DLG2: variants seen among roughly 807,000 people sequenced by gnomAD.
DLG2 encodes disks large homolog 2.
Under a neutral mutation model 132.5 loss-of-function variants are expected in DLG2, and 45 were observed. The observed-to-expected ratio is 0.34, with a 90% CI of 0.27 to 0.44. DLG2 has a LOEUF of 0.44. Ranked by LOEUF, DLG2 falls within the 20% of genes least tolerant of loss-of-function variation. The pLI is 1.00. For missense variants in DLG2, 1,045 were observed against 1,196.9 expected, an observed-to-expected ratio of 0.87 and a Z score of 1.87; for synonymous variants, 424 against 419.6, an observed-to-expected ratio of 1.01 and a Z score of -0.13.
At chr11:85,403,789 G>A (rs1436147178) in intron 3 of DLG2, among the ~76,000 whole-genome samples, 1 of 152,016 alleles carries the variant, frequency 6.6e-6, no homozygotes, top group Non-Finnish European at 1.5e-5. Flanking sequence ...GCTGCAGTGG[G>A]AAGAAGCAGT....
chr11:83,744,033 C>T (rs891345152), intron 18 of DLG2, among the ~76,000 whole-genome samples: 8 of 152,108 alleles, frequency 5.3e-5, no homozygotes, highest in East Asian at 1.9e-4. Context: ...TGGGTTTCCA[C>T]GGTTAGATGC....
At chr11:84,885,745 AACCAGCACC>A (rs1326752241) in intron 6 of DLG2, among the ~76,000 whole-genome samples, 1 of 152,094 alleles carries the variant, frequency 6.6e-6, no homozygotes, top group Non-Finnish European at 1.5e-5. Flanking sequence ...AAGCAATGAA[AACCAGCACC>A]ACCTTAACAT....
intron 19 of DLG2, among the ~76,000 whole-genome samples, chr11:83,587,375 T>A (rs1374691165): frequency 6.6e-6 from 1 of 151,990 alleles, no homozygotes; most frequent in Non-Finnish European, 1.5e-5. Flanking sequence ...GCTCAAGTGA[T>A]CCTCCCACCT....
chr11:84,020,044 G>A (rs182335369), intron 11 of DLG2, among the ~76,000 whole-genome samples: 1 of 152,206 alleles, frequency 6.6e-6, no homozygotes, highest in African/African-American at 2.4e-5. Context: ...TTGCCTGTGG[G>A]GGATGGCTAA....
chr11:83,865,721 T>C (rs1360824183), intron 16 of DLG2, among the ~76,000 whole-genome samples: 1 of 152,116 alleles, frequency 6.6e-6, no homozygotes, highest in Non-Finnish European at 1.5e-5. Flanking sequence ...GCAGAACTGG[T>C]CAGCCATGGG....
chr11:84,930,427 A>G lies in DLG2; in HGVS notation c.357+181234T>C, dbSNP rs537441020. The stretch of plus-strand genomic sequence containing the variant: ...GTGAGCAGCTGGAAAAAAATTAATG[A>G]AAAACCTCAAAAAGGCTCCAACACT... On this transcript the variant is annotated intron_variant, in intron 6 of 27. Transcript: ENST00000376104. 9.9e-5 allele frequency among the ~76,000 whole-genome samples: 15 copies of G among 152,212 alleles called. No individual in the cohort carries two copies. The East Asian group carries it at 2.7e-3, about 27-fold the overall frequency.
intron 10 of DLG2, among the ~76,000 whole-genome samples, chr11:84,092,572 A>C (rs1262852163): frequency 6.6e-6 from 1 of 152,184 alleles, no homozygotes; most frequent in Non-Finnish European, 1.5e-5. Flanking sequence ...CAGGAGAAAG[A>C]ACAACTAAGA....
chr11:85,114,933 T>A (rs1382697080), intron 5 of DLG2, among the ~76,000 whole-genome samples: 1 of 152,004 alleles, frequency 6.6e-6, no homozygotes, highest in African/African-American at 2.4e-5. Flanking sequence ...GAAAAAGTTG[T>A]GTGTGGCAGA....
chr11:84,815,533 A>C (rs1319154255), intron 6 of DLG2, among the ~76,000 whole-genome samples: 1 of 152,038 alleles, frequency 6.6e-6, no homozygotes, highest in Admixed American at 6.6e-5. Flanking sequence ...AATCAATATT[A>C]TTCATATGCT....
At chr11:85,062,572 T>C (rs766798838) in intron 6 of DLG2, among the ~76,000 whole-genome samples, 24 of 151,658 alleles carry the variant, frequency 1.6e-4, no homozygotes, top group Admixed American at 1.3e-3. Context: ...AAGATAAGTT[T>C]TTACCATAGG....
chr11:85,094,782 C>A (rs1169763586), intron 6 of DLG2, among the ~76,000 whole-genome samples: 2 of 152,190 alleles, frequency 1.3e-5, no homozygotes, highest in Non-Finnish European at 2.9e-5. Context: ...ACTGGAGTAG[C>A]ACTATTAATT....
chr11:83,599,334 A>G (rs2058140541), intron 19 of DLG2, among the ~76,000 whole-genome samples: 1 of 152,146 alleles, frequency 6.6e-6, no homozygotes, highest in Admixed American at 6.5e-5. Context: ...CAGGTCTTGC[A>G]TGATAGATTC....
At chr11:83,571,639 G>A (rs1015701297) in intron 19 of DLG2, among the ~76,000 whole-genome samples, 2 of 151,358 alleles carry the variant, frequency 1.3e-5, no homozygotes, top group African/African-American at 4.9e-5. Flanking sequence ...AGAGAGGCAT[G>A]TGCATTAATA....
intron 5 of DLG2, among the ~76,000 whole-genome samples, chr11:85,120,431 C>A (rs1364310923): frequency 6.6e-6 from 1 of 151,840 alleles, no homozygotes; most frequent in Non-Finnish European, 1.5e-5. Flanking sequence ...TCTAGAAATC[C>A]TAAGAGATTC....
chr11:85,500,746 C>A lies in DLG2; in HGVS notation c.40+97911G>T, dbSNP rs956575379. Among the ~76,000 whole-genome samples, 76 of 151,960 alleles carry A rather than the reference C, an allele frequency of 5.0e-4. 2 individuals are homozygous for A. Among genetic ancestry groups the A allele is most frequent in the Admixed American group, 1.5e-3 (23 of 15,246 alleles). On this transcript the variant is annotated intron_variant, in intron 3 of 27. Coordinates refer to ENST00000376104, the MANE Select transcript of DLG2 (RefSeq NM_001142699.3). ...GGACCTCTTCAAGGAGAACTACAAA[C>A]CACTGCTCAAGGAAATAAGAGAGGA...
chr11:85,103,282 A>G (rs1209684316), intron 6 of DLG2, among the ~76,000 whole-genome samples: 7 of 152,084 alleles, frequency 4.6e-5, no homozygotes, highest in Non-Finnish European at 7.4e-5. Flanking sequence ...CAAAAATGCA[A>G]TGGACCCAGA....
At chr11:83,646,676 T>C (rs1053481139) in intron 18 of DLG2, 1 of 152,218 alleles carries the variant, frequency 6.6e-6, no homozygotes, top group Non-Finnish European at 1.5e-5. Flanking sequence ...TGACAAATGT[T>C]TGCCATATGC....
chr11:84,756,753 T>A (rs547195138), intron 6 of DLG2, among the ~76,000 whole-genome samples: 5 of 152,314 alleles, frequency 3.3e-5, no homozygotes, highest in African/African-American at 9.6e-5. Flanking sequence ...TTTTTGTGAT[T>A]TTTTTTAATT....
chr11:83,871,820 A>G (rs929737334), intron 16 of DLG2, among the ~76,000 whole-genome samples: 2 of 152,232 alleles, frequency 1.3e-5, no homozygotes, highest in Non-Finnish European at 2.9e-5. Flanking sequence ...ACATATAAAC[A>G]TATTTAAAAG....
Sources: gnomAD v4.1 joint callset for allele counts (sites outside exome capture counted in the v4.1 genomes callset) on GRCh38, gnomAD v4.1.1 for gene constraint, MANE v1.5 for transcripts, NCBI Gene and HGNC (gene_info 2026-07-23, HGNC 2026-07-21) for gene names.